Variants in RGMA observed in about 807,000 individuals in gnomAD.
RGMA encodes repulsive guidance molecule BMP co-receptor a.
Under a neutral mutation model 23.2 loss-of-function variants are expected in RGMA, and 10 were observed. That is an observed-to-expected ratio of 0.43 (90% CI 0.27 to 0.73). The LOEUF (loss-of-function observed/expected upper bound fraction) is 0.73, where lower values mean the gene tolerates loss of function less well. Among genes scored for constraint, RGMA ranks in the 30% least tolerant of loss-of-function variants. The probability of loss-of-function intolerance (pLI) is 0.20; values close to 1 mark genes in which losing one functional copy is unlikely to be tolerated. For missense variants in RGMA, 547 were observed against 630.5 expected, an observed-to-expected ratio of 0.87 and a Z score of 1.42; for synonymous variants, 308 against 279.3, an observed-to-expected ratio of 1.10 and a Z score of -1.03.
chr15:93,087,480 A>AC, intron 1 of RGMA, among the ~76,000 whole-genome samples: 1 of 151,012 alleles, frequency 6.6e-6, no homozygotes, highest in African/African-American at 2.4e-5. Flanking sequence ...AAAAAAAAAA[A>AC]AAAACCACAA....
At chr15:93,048,131 C>T (rs771824042) in intron 3 of RGMA, among the ~76,000 whole-genome samples, 1 of 152,106 alleles carries the variant, frequency 6.6e-6, no homozygotes, top group Non-Finnish European at 1.5e-5. Context: ...TAATACAAGC[C>T]AGTGGGGTAT....
chr15:93,048,415 G>A (rs1014797668), intron 3 of RGMA, among the ~76,000 whole-genome samples: 6 of 152,152 alleles, frequency 3.9e-5, no homozygotes, highest in Non-Finnish European at 7.3e-5. Flanking sequence ...TTGGGCACCC[G>A]GCGCTGTGCT....
intron 2 of RGMA, among the ~76,000 whole-genome samples, chr15:93,054,058 C>T (rs1211197618): frequency 6.6e-6 from 1 of 151,956 alleles, no homozygotes; most frequent in African/African-American, 2.4e-5. Context: ...GATGAAACCC[C>T]TTCTCTACCA....
At chr15:93,058,204 G>T (rs558179188) in intron 2 of RGMA, among the ~76,000 whole-genome samples, 1 of 152,316 alleles carries the variant, frequency 6.6e-6, no homozygotes, top group South Asian at 2.1e-4. Flanking sequence ...GAGAATTCAG[G>T]GTCGACAGGC....
In RGMA at chr15:93,088,986, G is replaced by T; in HGVS notation, c.-54C>A. 8 of 1,266,628 alleles carry T rather than the reference G, an allele frequency of 6.3e-6. No individual in the cohort carries two copies. The highest frequency in any genetic ancestry group is 4.7e-5 in the African/African-American group (3 of 63,396). 78.5% of individuals were successfully genotyped at this position (1,266,628 alleles called of 1,614,324 possible). Reference sequence around the variant, plus strand: ...CTGGCGGGGCTGCGGGAGAAGAGGGGGTGTCGGGGCGCCGCTCGTCTGCCC... The same window carrying T: ...CTGGCGGGGCTGCGGGAGAAGAGGGTGTGTCGGGGCGCCGCTCGTCTGCCC... On this transcript the variant is annotated 5_prime_UTR_variant, in exon 1 of 4. Coordinates refer to ENST00000329082, the MANE Select transcript of RGMA (RefSeq NM_020211.3).
chr15:93,088,618 G>T, intron 1 of RGMA: 1 of 1,033,340 alleles, frequency 9.7e-7, no homozygotes, highest in Non-Finnish European at 1.2e-6. Context: ...GCTGAGGGAA[G>T]GAGCTCCCAG....
chr15:93,079,380 A>G (rs1895522368), intron 1 of RGMA, among the ~76,000 whole-genome samples: 5 of 152,010 alleles, frequency 3.3e-5, no homozygotes, highest in Admixed American at 2.6e-4. Context: ...CCTGTTTCTG[A>G]CTCCTTAAAG....
chr15:93,060,954 C>A (rs191330068), intron 2 of RGMA, among the ~76,000 whole-genome samples: 3 of 152,190 alleles, frequency 2.0e-5, no homozygotes, highest in Non-Finnish European at 2.9e-5. Flanking sequence ...AGCTTCCCTG[C>A]GCCACCTTCT....
At chr15:93,046,854 A>C (rs1008275189) in intron 3 of RGMA, among the ~76,000 whole-genome samples, 1 of 150,310 alleles carries the variant, frequency 6.7e-6, no homozygotes, top group Non-Finnish European at 1.5e-5. Context: ...GCCTGTGGCC[A>C]GGGGTGAGGG....
chr15:93,062,562 A>G (rs1895001523), intron 2 of RGMA, among the ~76,000 whole-genome samples: 1 of 152,176 alleles, frequency 6.6e-6, no homozygotes, highest in Non-Finnish European at 1.5e-5. Flanking sequence ...ACCTGTGCCC[A>G]TTAGGAAGCA....
intron 1 of RGMA, among the ~76,000 whole-genome samples, chr15:93,078,462 C>T (rs1007538494): frequency 1.1e-3 from 167 of 152,268 alleles, no homozygotes; most frequent in African/African-American, 3.8e-3. Context: ...AGTGTGAGAA[C>T]GGATCCTTAT....
intron 2 of RGMA, among the ~76,000 whole-genome samples, chr15:93,058,066 CTGAAGCACAATTT>C (rs1366582288): frequency 6.6e-6 from 1 of 152,186 alleles, no homozygotes; most frequent in Non-Finnish European, 1.5e-5. Flanking sequence ...ACTCTGGGTC[CTGAAGCACAATTT>C]CAACAAGTTT....
chr15:93,038,569 G>GTTGTTGTTTTTTTTTTTTTTTTTTT lies in RGMA; in HGVS notation c.*6428_*6429insAAAAAAAAAAAAAAAAAAACAACAA, dbSNP rs1471553159. The GTTGTTGTTTTTTTTTTTTTTTTTTT allele has an allele frequency of 1.0e-5, 1 of 100,224 alleles. No homozygotes were observed. Among genetic ancestry groups the GTTGTTGTTTTTTTTTTTTTTTTTTT allele is most frequent in the African/African-American group, 3.2e-5 (1 of 30,862 alleles). 6.2% of individuals were successfully genotyped at this position (100,224 alleles called of 1,614,324 possible). On this transcript the variant is annotated 3_prime_UTR_variant, in exon 4 of 4. Coordinates refer to ENST00000329082, the MANE Select transcript of RGMA (RefSeq NM_020211.3). ...GCCTTAATGAACGAAACTGTTAGTT[G>GTTGTTGTTTTTTTTTTTTTTTTTTT]TTTTTTTTTTTTTTTTGAGACGGTG...
chr15:93,073,705 A>G lies in RGMA; in HGVS notation c.15-674T>C, dbSNP rs1173536439. On this transcript the variant is annotated intron_variant, in intron 1 of 3. Coordinates refer to ENST00000329082, the MANE Select transcript of RGMA (RefSeq NM_020211.3). ...TGGGCAGGATGGCTCTCTGCATCTC[A>G]GCTACTAACGCACCTCGAGGTTCCC... 5 of 1,537,180 alleles carry G rather than the reference A, an allele frequency of 3.3e-6. No individual in the cohort carries two copies. In the South Asian group the frequency reaches 3.6e-5, roughly 11 times the overall value.
chr15:93,066,629 C>A, intron 2 of RGMA: 1 of 443,194 alleles, frequency 2.3e-6, no homozygotes, highest in South Asian at 1.6e-5. Flanking sequence ...CCGTCACCAC[C>A]GCCGCCGCCT....
In RGMA at chr15:93,045,410, A is replaced by G; in HGVS notation, c.941T>C (p.Leu314Pro). The G allele has an allele frequency of 6.2e-7, 1 of 1,613,190 alleles. No homozygotes were observed. The highest frequency in any genetic ancestry group is 8.5e-7 in the Non-Finnish European group (1 of 1,179,824). Residue 314 changes from leucine (L) to proline (P), a missense_variant, in exon 4 of 4, where the codon CTC (leucine) becomes CCC (proline). Physicochemically the swap from Leu to Pro is moderately conservative, Grantham distance 98. Transcript: ENST00000329082. The surrounding 1 kb of genome is among the most constrained non-coding windows in gnomAD (Gnocchi z 6.9). Reference protein sequence around the residue: ...VEDWDSQGLYLCLRGCPLNQQ... With the variant: ...VEDWDSQGLYPCLRGCPLNQQ... ...GTTGAGGGGGCAGCCCCGCAGGCAG[A>G]GGTAGAGACCCTGGCTGTCCCAGTC...
rs903084768 is a variant in RGMA at position 93,038,898 on chromosome 15, A to C, written c.*6100T>G. On this transcript the variant is annotated 3_prime_UTR_variant, in exon 4 of 4. Transcript: ENST00000329082. ...CGAAACTGTTTAATATTGAGTGCCA[A>C]CTTGATTGGATTGGAGGATGCAAAG... 3.3e-5 allele frequency: 5 copies of C among 152,166 alleles called. No homozygotes were observed. Among genetic ancestry groups the C allele is most frequent in the African/African-American group, 1.2e-4 (5 of 41,432 alleles). 9.4% of individuals were successfully genotyped at this position (152,166 alleles called of 1,614,324 possible).
intron 3 of RGMA, among the ~76,000 whole-genome samples, chr15:93,048,311 G>A (rs912998781): frequency 1.3e-5 from 2 of 152,304 alleles, no homozygotes; most frequent in Middle Eastern, 3.4e-3. Flanking sequence ...GAAGGAAAAT[G>A]TGTTAGTCAG....
At chr15:93,066,100 C>A (rs1895138322) in intron 2 of RGMA, 1 of 1,466,034 alleles carries the variant, frequency 6.8e-7, no homozygotes, top group Non-Finnish European at 9.5e-7. Flanking sequence ...GCGAAACTTA[C>A]GTAGGTTGGG....
Sources: gnomAD v4.1 joint callset for allele counts (sites outside exome capture counted in the v4.1 genomes callset) on GRCh38, gnomAD v4.1.1 for gene constraint, Gnocchi (gnomAD v3.1) non-coding constraint, MANE v1.5 for transcripts, NCBI Gene and HGNC (gene_info 2026-07-23, HGNC 2026-07-21) for gene names.